FYB1: variants seen among roughly 807,000 people sequenced by gnomAD.
FYB1 encodes FYN binding protein 1.
Under a neutral mutation model 94.1 loss-of-function variants are expected in FYB1, and 41 were observed. The observed-to-expected ratio is 0.44, with a 90% CI of 0.34 to 0.57. The LOEUF is 0.57. Among genes scored for constraint, FYB1 ranks in the 20% least tolerant of loss-of-function variants. FYB1 has a pLI of 0.02. For missense variants in FYB1, 1,050 were observed against 976.8 expected (o/e 1.07, Z -1.00); for synonymous variants, 367 against 353.2 (o/e 1.04, Z -0.44).
chr5:39,116,032 T>C (rs1739534398), intron 16 of FYB1, among the ~76,000 whole-genome samples: 1 of 152,158 alleles, frequency 6.6e-6, no homozygotes, highest in Admixed American at 6.5e-5. Flanking sequence ...AGGACAGGAG[T>C]TTGTGTATAA....
intron 2 of FYB1, chr5:39,170,417 C>A (rs1745146686): frequency 6.1e-6 from 3 of 490,254 alleles, no homozygotes; most frequent in African/African-American, 4.1e-5. Flanking sequence ...TGGGCCGGAC[C>A]CCCTCAGCAG....
At chr5:39,263,172 GAAGTT>G (rs1466783859) in intron 1 of FYB1, among the ~76,000 whole-genome samples, 4 of 151,526 alleles carry the variant, frequency 2.6e-5, no homozygotes, top group African/African-American at 9.7e-5. Context: ...AAGTGATATT[GAAGTT>G]GCCGAATCAA....
intron 1 of FYB1, among the ~76,000 whole-genome samples, chr5:39,226,102 A>G (rs182038464): frequency 2.6e-5 from 4 of 152,200 alleles, no homozygotes; most frequent in African/African-American, 7.2e-5. Flanking sequence ...AACAGGCACC[A>G]TCTACACAAG....
At chr5:39,209,297 C>CT (rs1158534998) in intron 1 of FYB1, among the ~76,000 whole-genome samples, 2 of 151,196 alleles carry the variant, frequency 1.3e-5, no homozygotes, top group Non-Finnish European at 1.5e-5. Flanking sequence ...CAGCAGTGAT[C>CT]TTTTTTATCC....
At chr5:39,167,586 C>G (rs1393735461) in intron 2 of FYB1, among the ~76,000 whole-genome samples, 1 of 152,142 alleles carries the variant, frequency 6.6e-6, no homozygotes, top group Non-Finnish European at 1.5e-5. Flanking sequence ...CCAGAGTATT[C>G]TGTGTTAGGG....
At chr5:39,153,351 G>C in intron 3 of FYB1, 97 bp downstream of exon 3, 1 of 1,473,122 alleles carries the variant, frequency 6.8e-7, no homozygotes, top group African/African-American at 1.4e-5. Flanking sequence ...TGTAGACCCA[G>C]AAGTTTCCCA....
chr5:39,117,377 A>C (rs906006530), intron 16 of FYB1, among the ~76,000 whole-genome samples: 1 of 152,130 alleles, frequency 6.6e-6, no homozygotes, highest in Non-Finnish European at 1.5e-5. Context: ...GAACTTTTAA[A>C]CATTTTTTGA....
At chr5:39,178,084 C>A (rs1379238080) in intron 2 of FYB1, among the ~76,000 whole-genome samples, 3 of 152,164 alleles carry the variant, frequency 2.0e-5, no homozygotes, top group African/African-American at 7.2e-5. Context: ...AAAGTTAATT[C>A]CTGTGAACAT....
intron 1 of FYB1, among the ~76,000 whole-genome samples, chr5:39,234,944 G>A (rs112709493): frequency 1.3e-5 from 2 of 151,948 alleles, no homozygotes; most frequent in Admixed American, 6.6e-5. Context: ...AATGCATGCG[G>A]GCTTAAAACC....
intron 2 of FYB1, among the ~76,000 whole-genome samples, chr5:39,167,457 C>T (rs950783775): frequency 3.3e-5 from 5 of 152,188 alleles, no homozygotes; most frequent in African/African-American, 1.2e-4. Flanking sequence ...AGAACTTTTT[C>T]TAAGTGTTTA....
upstream of FYB1, among the ~76,000 whole-genome samples, chr5:39,222,794 A>G (rs1430627499): frequency 6.6e-6 from 1 of 152,138 alleles, no homozygotes; most frequent in Non-Finnish European, 1.5e-5. Flanking sequence ...TTCTATTTTT[A>G]TAAAATCTTT....
chr5:39,131,864 A>G (rs1741229597), intron 9 of FYB1, among the ~76,000 whole-genome samples: 1 of 152,168 alleles, frequency 6.6e-6, no homozygotes, highest in Non-Finnish European at 1.5e-5. Context: ...GTTTTATTTC[A>G]TGTCTAGAGC....
chr5:39,252,833 A>G lies in FYB1; in HGVS notation c.-28+21570T>C, dbSNP rs540977122. On this transcript the variant is annotated intron_variant, in intron 1 of 1. Transcript: ENST00000510188. Reference sequence around the variant, plus strand: ...TTAACTTCTCTCCCCACTGGTTTCCAGATTCATGAAATGGAGTAAAAGTAG... The same window carrying G: ...TTAACTTCTCTCCCCACTGGTTTCCGGATTCATGAAATGGAGTAAAAGTAG... Among the ~76,000 whole-genome samples the G allele has an allele frequency of 3.9e-5, 6 of 152,336 alleles. No homozygotes were observed. The East Asian group carries it at 1.2e-3, about 29-fold the overall frequency.
chr5:39,223,893 T>G (rs1240128245), upstream of FYB1, among the ~76,000 whole-genome samples: 5 of 152,208 alleles, frequency 3.3e-5, no homozygotes, highest in East Asian at 9.7e-4. Context: ...CCAGCCCAAA[T>G]TTTCTACTGT....
At chr5:39,154,561 C>A (rs888251735) in intron 2 of FYB1, among the ~76,000 whole-genome samples, 1 of 150,500 alleles carries the variant, frequency 6.6e-6, no homozygotes, top group Non-Finnish European at 1.5e-5. Flanking sequence ...GGCTGGAGTG[C>A]AGCGGTGCGA....
chr5:39,141,149 C>A lies in FYB1; in HGVS notation c.1293-8G>T. 6.3e-7 allele frequency: 1 copy of A among 1,581,732 alleles called. No individual in the cohort carries two copies. Among genetic ancestry groups the A allele is most frequent in the Non-Finnish European group, 8.6e-7 (1 of 1,159,404 alleles). Reference sequence around the variant, plus strand: ...TCTTCATTGACAGGGCTTCTGAAAACGAGAAAGAAGAAACAGTGAACATGG... The same window carrying A: ...TCTTCATTGACAGGGCTTCTGAAAAAGAGAAAGAAGAAACAGTGAACATGG... On this transcript the variant is annotated splice_polypyrimidine_tract_variant and splice_region_variant and intron_variant, in intron 3 of 18. Transcript: ENST00000512982.
At chr5:39,211,647 C>T (rs1003747852) in intron 1 of FYB1, among the ~76,000 whole-genome samples, 1 of 152,138 alleles carries the variant, frequency 6.6e-6, no homozygotes, top group Non-Finnish European at 1.5e-5. Context: ...TACACCCCAA[C>T]AAAAACTTTA....
At chr5:39,139,290 A>T (rs554089928) in intron 4 of FYB1, 38 bp from the exon 5 acceptor site, 1 of 1,384,432 alleles carries the variant, frequency 7.2e-7, no homozygotes, top group African/African-American at 1.4e-5. Flanking sequence ...TACATTTGTA[A>T]TAAGGAAGCA....
chr5:39,130,131 A>C (rs1204194596), intron 10 of FYB1, among the ~76,000 whole-genome samples: 1 of 152,088 alleles, frequency 6.6e-6, no homozygotes, highest in African/African-American at 2.4e-5. Flanking sequence ...TGGAAGTCAT[A>C]TTAAGTGGAA....
Sources: gnomAD v4.1 joint callset for allele counts (sites outside exome capture counted in the v4.1 genomes callset) on GRCh38, gnomAD v4.1.1 for gene constraint, MANE v1.5 for transcripts, NCBI Gene and HGNC (gene_info 2026-07-23, HGNC 2026-07-21) for gene names.